Variants in MGA observed in about 807,000 individuals in gnomAD.
The protein encoded by MGA is MAX dimerization protein MGA, also known as MAX gene-associated protein.
In MGA, 40 loss-of-function variants were observed where a neutral mutation model predicts 261.1. The observed-to-expected ratio is 0.15, with a 90% CI of 0.12 to 0.20. The LOEUF is 0.20. MGA is among the 10% of genes least tolerant of loss of function. MGA has a pLI of 1.00. For missense variants in MGA, 3,397 were observed against 3,630.5 expected (o/e 0.94, Z 1.65); for synonymous variants, 1,302 against 1,290.6 (o/e 1.01, Z -0.19).
chr15:41,625,179 G>T (rs1283653126), intron 1 of MGA, among the ~76,000 whole-genome samples: 1 of 152,110 alleles, frequency 6.6e-6, no homozygotes, highest in Non-Finnish European at 1.5e-5. Flanking sequence ...AAGCATGACT[G>T]TCGAGGCAAA....
At chr15:41,734,485 T>C (rs2061672641) in intron 11 of MGA, 37 bp from the exon 12 acceptor site, 1 of 1,513,392 alleles carries the variant, frequency 6.6e-7, no homozygotes, top group African/African-American at 1.4e-5. Context: ...TGAATATATG[T>C]TAAGTTAAAG....
At chr15:41,689,432 T>C (rs986717709) in intron 2 of MGA, among the ~76,000 whole-genome samples, 1 of 151,722 alleles carries the variant, frequency 6.6e-6, no homozygotes, top group Non-Finnish European at 1.5e-5. Flanking sequence ...CCTCTCTCCT[T>C]CTCTCCTTAA....
At chr15:41,653,992 T>G (rs1370085728) in intron 1 of MGA, among the ~76,000 whole-genome samples, 1 of 152,206 alleles carries the variant, frequency 6.6e-6, no homozygotes, top group South Asian at 2.1e-4. Flanking sequence ...CTGTTTTCAG[T>G]GTCTCCCCCA....
In MGA at chr15:41,633,186, T is replaced by C. The variant is rs571956688; in HGVS notation, c.-68+11888T>C. ...GGATGGTCTTGATCTCCTGACCTTG[T>C]GATCCCCCCTGCCTTGGCCTCCCAA... On this transcript the variant is annotated intron_variant, in intron 1 of 8. Transcript: ENST00000566718. Among the ~76,000 whole-genome samples the C allele has an allele frequency of 5.3e-5, 8 of 152,148 alleles. No homozygotes were observed. In the East Asian group the frequency reaches 1.4e-3, roughly 26 times the overall value.
chr15:41,662,294 C>T (rs2057460055), intron 1 of MGA, among the ~76,000 whole-genome samples: 1 of 152,226 alleles, frequency 6.6e-6, no homozygotes, highest in African/African-American at 2.4e-5. Flanking sequence ...GCTTACCCAA[C>T]TGCTAGAGAC....
chr15:41,694,195 A>G (rs2059431331), intron 2 of MGA, among the ~76,000 whole-genome samples: 1 of 152,084 alleles, frequency 6.6e-6, no homozygotes, highest in Non-Finnish European at 1.5e-5. Flanking sequence ...AGGTGGGCGG[A>G]TCACGAGGTT....
chr15:41,628,898 G>C (rs989518440), intron 1 of MGA, among the ~76,000 whole-genome samples: 1 of 152,146 alleles, frequency 6.6e-6, no homozygotes, highest in African/African-American at 2.4e-5. Flanking sequence ...CCAGCACTTT[G>C]GGTGGCCGAG....
Position 41,734,528 on chromosome 15 carries a change from G to C in MGA, c.3850G>C (p.Asp1284His). Reference sequence around the variant, plus strand: ...GTGTTACTGTCTCCTTCAGGAACCTGATTCTGAACAGCAGCCCTTAAAACA... The same window carrying C: ...GTGTTACTGTCTCCTTCAGGAACCTCATTCTGAACAGCAGCCCTTAAAACA... The change falls in exon 12 of 24, where the codon GAT becomes CAT. Residue 1284 changes from aspartate to histidine, a missense_variant. Coordinates refer to ENST00000219905, the MANE Select transcript of MGA (RefSeq NM_001164273.2). 3 of 1,607,920 alleles carry C rather than the reference G, an allele frequency of 1.9e-6. No homozygotes were observed. Among genetic ancestry groups the C allele is most frequent in the Non-Finnish European group, 1.7e-6 (2 of 1,176,504 alleles).
intron 1 of MGA, among the ~76,000 whole-genome samples, chr15:41,637,088 AAGG>A (rs1444244422): frequency 1.3e-5 from 2 of 152,136 alleles, no homozygotes; most frequent in African/African-American, 2.4e-5. Flanking sequence ...AAAATACTTG[AAGG>A]AGGACAGCCA....
intron 1 of MGA, among the ~76,000 whole-genome samples, chr15:41,654,369 G>T (rs1449736476): frequency 6.6e-6 from 1 of 152,082 alleles, no homozygotes. Context: ...ATCTGAAAAT[G>T]ATCTTTTTTT....
chr15:41,762,460 G>GTTTTTTT (rs1491528643), intron 22 of MGA, 98 bp downstream of exon 22: 98 of 190,508 alleles, frequency 5.1e-4, no homozygotes, highest in African/African-American at 6.7e-4. Context: ...AGTTTTGTGT[G>GTTTTTTT]GTTTTTTTTT....
intron 7 of MGA, among the ~76,000 whole-genome samples, chr15:41,709,207 T>G (rs1246128934): frequency 6.6e-6 from 1 of 151,728 alleles, no homozygotes; most frequent in Non-Finnish European, 1.5e-5. Context: ...AACAGCCAGA[T>G]GTGGTGGCGC....
intron 19 of MGA, among the ~76,000 whole-genome samples, chr15:41,758,395 A>G (rs766513269): frequency 6.6e-5 from 10 of 152,216 alleles, no homozygotes; most frequent in South Asian, 2.1e-4. Flanking sequence ...TTAAAAAAAG[A>G]CAATGATGGG....
intron 3 of MGA, 67 bp from the exon 4 acceptor site, chr15:41,698,796 T>C: frequency 8.0e-7 from 1 of 1,250,218 alleles, no homozygotes; most frequent in Non-Finnish European, 1.1e-6. Flanking sequence ...TTTTTTTTAA[T>C]CCTGTTTTAC....
chr15:41,708,850 A>T (rs999233665), intron 7 of MGA, among the ~76,000 whole-genome samples: 1 of 152,150 alleles, frequency 6.6e-6, no homozygotes, highest in Non-Finnish European at 1.5e-5. Context: ...TTATACTTCA[A>T]ACTAAACTAA....
chr15:41,767,123 T>C lies in MGA; in HGVS notation c.9041T>C (p.Leu3014Ser). The change falls in exon 24 of 24, where the codon TTG becomes TCG. Residue 3014 changes from leucine (L) to serine (S), a missense_variant. Leu to Ser is a moderately radical substitution (Grantham distance 145). Coordinates refer to ENST00000219905, the MANE Select transcript of MGA (RefSeq NM_001164273.2). ...CAGAGTCTCAAGGTGATGCCTTGTTTGGCACCTATAGCTGCCAAAGTTGGG... is the reference window on the plus strand; with the variant it reads ...CAGAGTCTCAAGGTGATGCCTTGTTCGGCACCTATAGCTGCCAAAGTTGGG... The C allele has an allele frequency of 6.2e-7, 1 of 1,614,028 alleles. No individual in the cohort carries two copies. Among genetic ancestry groups the C allele is most frequent in the Non-Finnish European group, 8.5e-7 (1 of 1,179,890 alleles).
intron 1 of MGA, among the ~76,000 whole-genome samples, chr15:41,636,438 G>A (rs1163817588): frequency 6.7e-6 from 1 of 149,430 alleles, no homozygotes; most frequent in Non-Finnish European, 1.5e-5. Flanking sequence ...GATTACAGGT[G>A]CCTGCCACCA....
At chr15:41,665,665 G>A (rs999217984) in intron 1 of MGA, among the ~76,000 whole-genome samples, 19 of 152,068 alleles carry the variant, frequency 1.2e-4, no homozygotes, top group Middle Eastern at 3.4e-3. Flanking sequence ...ACCATGGCCG[G>A]CCTCATTTCT....
At chr15:41,750,816 G>C in intron 17 of MGA, 1 of 497,156 alleles carries the variant, frequency 2.0e-6, no homozygotes, top group Non-Finnish European at 3.5e-6. Flanking sequence ...TTTGAGACTT[G>C]TCTGGTTTTA....
Sources: allele counts gnomAD v4.1 joint callset (sites outside exome capture counted in the v4.1 genomes callset), GRCh38; gene constraint gnomAD v4.1.1; transcripts MANE v1.5; gene names NCBI Gene and HGNC (gene_info 2026-07-23, HGNC 2026-07-21).